Variants in TMEM108 observed in about 807,000 individuals in gnomAD.
TMEM108 encodes the protein transmembrane protein 108.
In TMEM108, 12 loss-of-function variants were observed where a neutral mutation model predicts 35.1. The ratio of observed to expected loss-of-function variants is 0.34; its 90% confidence interval spans 0.22 to 0.55. TMEM108 has a LOEUF of 0.55. Among genes scored for constraint, TMEM108 ranks in the 20% least tolerant of loss-of-function variants. The pLI, the probability that TMEM108 is intolerant of heterozygous loss-of-function variation, is 0.89. For synonymous variants in TMEM108, 287 were observed against 308.6 expected (o/e 0.93, Z 0.73); for missense variants, 680 against 753.3 (o/e 0.90, Z 1.14).
chr3:133,202,650 A>G (rs1283546387), intron 2 of TMEM108, among the ~76,000 whole-genome samples: 5 of 152,144 alleles, frequency 3.3e-5, no homozygotes, highest in Non-Finnish European at 7.3e-5. Flanking sequence ...CCATTGGTCT[A>G]TATATCTGTT....
At chr3:133,060,284 G>A (rs1943520884) in intron 2 of TMEM108, among the ~76,000 whole-genome samples, 2 of 152,172 alleles carry the variant, frequency 1.3e-5, no homozygotes, top group South Asian at 4.1e-4. Flanking sequence ...AGGACGTAAT[G>A]TTTAAGCTAA....
chr3:133,056,231 AC>A (rs1353170833), intron 2 of TMEM108, among the ~76,000 whole-genome samples: 1 of 151,534 alleles, frequency 6.6e-6, no homozygotes, highest in Non-Finnish European at 1.5e-5. Context: ...ATTTCTTTCT[AC>A]TCTTTCTATG....
At chr3:133,108,826 G>A (rs918613980) in intron 2 of TMEM108, among the ~76,000 whole-genome samples, 40 of 143,936 alleles carry the variant, frequency 2.8e-4, no homozygotes, top group African/African-American at 9.0e-4. Flanking sequence ...ATCACACTCC[G>A]GGGACTGTTG....
At chr3:133,214,104 T>C (rs1466594438) in intron 2 of TMEM108, among the ~76,000 whole-genome samples, 2 of 152,196 alleles carry the variant, frequency 1.3e-5, no homozygotes, top group African/African-American at 2.4e-5. Flanking sequence ...CGATAGTTGC[T>C]AACTTGCACA....
chr3:133,150,577 GTAGT>G (rs1362823514), intron 2 of TMEM108, among the ~76,000 whole-genome samples: 4 of 151,874 alleles, frequency 2.6e-5, no homozygotes, highest in African/African-American at 9.7e-5. Context: ...TCATAAACTT[GTAGT>G]TAAACTTTTT....
rs1007743387 is a variant in TMEM108 at position 133,045,998 on chromosome 3, G to C, written c.-69G>C. 1 of 152,596 alleles carries C rather than the reference G, an allele frequency of 6.6e-6. No individual in the cohort carries two copies. Among genetic ancestry groups the C allele is most frequent in the African/African-American group, 2.4e-5 (1 of 41,416 alleles). 9.5% of individuals were successfully genotyped at this position (152,596 alleles called of 1,614,324 possible). A position where few individuals can be genotyped will look rare whatever the true frequency, so the allele number is the denominator to read the frequency against. ...CATGAGGATGTAAGTGCGTTTGAAG[G>C]CTTCCACACCCTCTACTCCAGGGTA... On this transcript the variant is annotated 5_prime_UTR_variant, in exon 2 of 6. Transcript: ENST00000321871.
chr3:133,073,510 C>CTCTCTCTCTCTCTCTATATATATATA, intron 2 of TMEM108, among the ~76,000 whole-genome samples: 11 of 43,904 alleles, frequency 2.5e-4, no homozygotes, highest in African/African-American at 7.1e-4. Context: ...CTCTCTCTCT[C>CTCTCTCTCTCTCTCTATATATATATA]TATATATATA....
chr3:133,086,089 C>T (rs1009512404), intron 2 of TMEM108, among the ~76,000 whole-genome samples: 5 of 152,154 alleles, frequency 3.3e-5, no homozygotes, highest in Non-Finnish European at 7.4e-5. Flanking sequence ...GGAAAGAATT[C>T]TCAGATCCTG....
chr3:133,234,697 A>G (rs1442452003), intron 3 of TMEM108, among the ~76,000 whole-genome samples: 12 of 152,124 alleles, frequency 7.9e-5, no homozygotes, highest in East Asian at 1.9e-4. Flanking sequence ...GCACAAGACA[A>G]AGATGCCCTC....
At chr3:133,203,820 C>T (rs976407417) in intron 2 of TMEM108, among the ~76,000 whole-genome samples, 8 of 152,090 alleles carry the variant, frequency 5.3e-5, no homozygotes, top group African/African-American at 9.6e-5. Context: ...AAAATGAGTT[C>T]GGGAGGAGTC....
At chr3:133,223,407 G>A (rs1946020897) in intron 2 of TMEM108, among the ~76,000 whole-genome samples, 1 of 152,312 alleles carries the variant, frequency 6.6e-6, no homozygotes, top group Admixed American at 6.5e-5. Context: ...TAAAACTACT[G>A]TAGTAGACCT....
chr3:133,386,929 C>A, intron 4 of TMEM108: 1 of 825,028 alleles, frequency 1.2e-6, no homozygotes, highest in Non-Finnish European at 1.5e-6. Context: ...AGCAATAGTG[C>A]CTTCCTCAGG....
intron 3 of TMEM108, among the ~76,000 whole-genome samples, chr3:133,360,029 C>CAAAAAAAAAAAAAAAAA (rs2072297518): frequency 8.7e-6 from 1 of 114,366 alleles, no homozygotes; most frequent in Non-Finnish European, 1.9e-5. Flanking sequence ...AAAAAAAAAG[C>CAAAAAAAAAAAAAAAAA]AAACCACTGA....
intron 2 of TMEM108, among the ~76,000 whole-genome samples, chr3:133,088,254 G>A (rs1349231293): frequency 2.0e-5 from 3 of 152,114 alleles, no homozygotes; most frequent in Non-Finnish European, 4.4e-5. Context: ...AGATTGACAG[G>A]AGGGCAGGAA....
intron 2 of TMEM108, among the ~76,000 whole-genome samples, chr3:133,146,779 T>A (rs1944727193): frequency 6.6e-6 from 1 of 152,204 alleles, no homozygotes; most frequent in African/African-American, 2.4e-5. Flanking sequence ...TTTCTGATGG[T>A]AGTTTGTATT....
chr3:133,059,821 AT>A (rs1054096620), intron 2 of TMEM108, among the ~76,000 whole-genome samples: 3 of 151,708 alleles, frequency 2.0e-5, no homozygotes, highest in African/African-American at 4.8e-5. Flanking sequence ...TGGCCAGATC[AT>A]TTTTTTTGAG....
chr3:133,341,685 A>C (rs1291498225), intron 3 of TMEM108, among the ~76,000 whole-genome samples: 2 of 151,926 alleles, frequency 1.3e-5, no homozygotes. Context: ...TGACATAGAC[A>C]CATAAATCAG....
chr3:133,206,246 G>A (rs1328773293), intron 2 of TMEM108, among the ~76,000 whole-genome samples: 1 of 152,188 alleles, frequency 6.6e-6, no homozygotes, highest in African/African-American at 2.4e-5. Flanking sequence ...GTTAGAACAT[G>A]CTCCTTTAGC....
intron 3 of TMEM108, among the ~76,000 whole-genome samples, chr3:133,236,578 TG>T (rs1263118059): frequency 1.3e-5 from 2 of 152,110 alleles, no homozygotes; most frequent in African/African-American, 2.4e-5. Flanking sequence ...ACCTATTTTC[TG>T]ATGGGATGAT....
Sources: allele counts gnomAD v4.1 joint callset (sites outside exome capture counted in the v4.1 genomes callset), GRCh38; gene constraint gnomAD v4.1.1; transcripts MANE v1.5; gene names NCBI Gene and HGNC (gene_info 2026-07-23, HGNC 2026-07-21).